CYSLTR2: variants seen among roughly 807,000 people sequenced by gnomAD.
The protein encoded by CYSLTR2 is G-protein coupled receptor GPCR21.
For synonymous variants in CYSLTR2, 179 were observed against 160.8 expected (o/e 1.11, Z -0.86); for missense variants, 398 against 411.9 (o/e 0.97, Z 0.29).
chr13:48,682,696 T>C (rs1284961943), intron 1 of CYSLTR2, among the ~76,000 whole-genome samples: 5 of 152,202 alleles, frequency 3.3e-5, no homozygotes, highest in Non-Finnish European at 5.9e-5. Flanking sequence ...CATAGGGAAC[T>C]ACACCCACAG....
chr13:48,672,479 T>C (rs1163658515), intron 1 of CYSLTR2, among the ~76,000 whole-genome samples: 1 of 152,200 alleles, frequency 6.6e-6, no homozygotes, highest in Non-Finnish European at 1.5e-5. Context: ...ATACATTGTG[T>C]CTTTGTTCTC....
In CYSLTR2 at chr13:48,707,272, T is replaced by A. The variant is rs781662567; in HGVS notation, c.455T>A (p.Ile152Asn). 6.2e-7 allele frequency: 1 copy of A among 1,614,048 alleles called. No homozygotes were observed. Among genetic ancestry groups the A allele is most frequent in the Non-Finnish European group, 8.5e-7 (1 of 1,180,018 alleles). ...TTTCGGCTTCTGCATGTCACCAGCA[T>A]CAGGAGTGCCTGGATCCTCTGTGGG... Reference protein sequence around the residue: ...HPFRLLHVTSIRSAWILCGII... With the variant: ...HPFRLLHVTSNRSAWILCGII... The change falls in exon 5 of 5, where the codon ATC becomes AAC. Residue 152 changes from isoleucine to asparagine, a missense_variant. Physicochemically the swap from Ile to Asn is moderately radical, Grantham distance 149. Coordinates refer to ENST00000682523, the MANE Select transcript of CYSLTR2 (RefSeq NM_001308476.3).
Position 48,707,969 on chromosome 13 carries a change from ATTT to A in CYSLTR2, c.*112_*114del. On this transcript the variant is annotated 3_prime_UTR_variant, in exon 5 of 5. Coordinates refer to ENST00000682523, the MANE Select transcript of CYSLTR2 (RefSeq NM_001308476.3). ...CTCCCAACAAATGTTGATTCTTAAT[ATTT>A]AGTTGACCATTACTTTTGTTAATAA... 1.1e-6 allele frequency: 1 copy of A among 926,140 alleles called. No individual in the cohort carries two copies. Among genetic ancestry groups the A allele is most frequent in the Non-Finnish European group, 1.5e-6 (1 of 657,012 alleles). 57.4% of individuals were successfully genotyped at this position (926,140 alleles called of 1,614,324 possible).
rs1446125869 is a variant in CYSLTR2 at position 48,706,825 on chromosome 13, G to C, written c.8G>C (p.Arg3Thr). ME[R>T]KFMSLQPSIS... The stretch of plus-strand genomic sequence containing the variant: ...GTTTCTTTTTAACCCAGCATGGAGA[G>C]AAAATTTATGTCCTTGCAACCATCC... The change falls in exon 5 of 5, where the codon AGA becomes ACA. Residue 3 changes from arginine to threonine, a missense_variant. Arg to Thr is a moderately conservative substitution (Grantham distance 71). Coordinates refer to ENST00000682523, the MANE Select transcript of CYSLTR2 (RefSeq NM_001308476.3). 2 of 1,607,256 alleles carry C rather than the reference G, an allele frequency of 1.2e-6. No homozygotes were observed. Among genetic ancestry groups the C allele is most frequent in the South Asian group, 2.2e-5 (2 of 90,430 alleles).
intron 1 of CYSLTR2, among the ~76,000 whole-genome samples, chr13:48,689,473 G>C (rs1312285157): frequency 6.6e-6 from 1 of 152,082 alleles, no homozygotes; most frequent in African/African-American, 2.4e-5. Context: ...TCTGTATATG[G>C]CTAGCCAGTT....
chr13:48,692,592 A>C (rs1954065924), intron 2 of CYSLTR2, among the ~76,000 whole-genome samples: 1 of 151,356 alleles, frequency 6.6e-6, no homozygotes, highest in Non-Finnish European at 1.5e-5. Flanking sequence ...CCTCTGAATA[A>C]ATGGTTTCAA....
chr13:48,706,093 T>C (rs1329712131), intron 4 of CYSLTR2, among the ~76,000 whole-genome samples: 1 of 151,184 alleles, frequency 6.6e-6, no homozygotes, highest in Non-Finnish European at 1.5e-5. Context: ...GCCTCCCAGG[T>C]TCAGGCAATT....
At chr13:48,700,608 A>T (rs1954314873) in intron 4 of CYSLTR2, among the ~76,000 whole-genome samples, 1 of 152,246 alleles carries the variant, frequency 6.6e-6, no homozygotes, top group Admixed American at 6.5e-5. Context: ...AACTGGCACA[A>T]GACAGGGATG....
chr13:48,658,797 G>T (rs1276044310), intron 1 of CYSLTR2, among the ~76,000 whole-genome samples: 1 of 152,108 alleles, frequency 6.6e-6, no homozygotes, highest in East Asian at 1.9e-4. Context: ...TTTACTGAGG[G>T]GATGGTGGGG....
At chr13:48,702,249 G>A (rs542276319) in intron 4 of CYSLTR2, among the ~76,000 whole-genome samples, 5 of 130,374 alleles carry the variant, frequency 3.8e-5, no homozygotes, top group African/African-American at 1.1e-4. Flanking sequence ...ATCACACACC[G>A]GCGTCTGTCA....
Position 48,693,072 on chromosome 13 carries a change from G to A in CYSLTR2, c.-175-366G>A, listed in dbSNP as rs150715027. ...TAAGAATTTTATAAAAATTATAAAGGCATTTATTATTATCATTCACTTTAG... is the reference window on the plus strand; with the variant it reads ...TAAGAATTTTATAAAAATTATAAAGACATTTATTATTATCATTCACTTTAG... On this transcript the variant is annotated intron_variant, in intron 2 of 4. Coordinates refer to ENST00000682523, the MANE Select transcript of CYSLTR2 (RefSeq NM_001308476.3). Among the ~76,000 whole-genome samples the A allele has an allele frequency of 2.9e-3, 432 of 151,352 alleles. 1 individual carries two copies. The highest frequency in any genetic ancestry group is 4.5e-3 in the Non-Finnish European group (306 of 67,694).
At chr13:48,696,279 T>A (rs1321680891) in intron 3 of CYSLTR2, among the ~76,000 whole-genome samples, 1 of 152,236 alleles carries the variant, frequency 6.6e-6, no homozygotes, top group Non-Finnish European at 1.5e-5. Flanking sequence ...ATTCAAGAGT[T>A]CTTTATATAT....
chr13:48,708,043 C>T lies in CYSLTR2; in HGVS notation c.*185C>T, dbSNP rs1178396358. On this transcript the variant is annotated 3_prime_UTR_variant, in exon 5 of 5. Transcript: ENST00000682523. ...TTCAGTGTATTTTCAGTTGTTGAGT[C>T]TTAATGAGGGATACAGGAGGAAAAA... 2.0e-6 allele frequency: 1 copy of T among 498,812 alleles called. No individual in the cohort carries two copies. Among genetic ancestry groups the T allele is most frequent in the Non-Finnish European group, 3.5e-6 (1 of 287,556 alleles). 30.9% of individuals were successfully genotyped at this position (498,812 alleles called of 1,614,324 possible). A position where few individuals can be genotyped will look rare whatever the true frequency, so the allele number is the denominator to read the frequency against.
In CYSLTR2 at chr13:48,672,914, C is replaced by T. The variant is rs1327923185; in HGVS notation, c.-265-18298C>T. 4.6e-5 allele frequency among the ~76,000 whole-genome samples: 7 copies of T among 152,166 alleles called. No individual in the cohort carries two copies. In the East Asian group the frequency reaches 1.2e-3, roughly 25 times the overall value. ...TACAGGCATGAGCCACTGCACCTGG[C>T]CTGGAGTGAGTTTCTCAATCCTGAG... On this transcript the variant is annotated intron_variant, in intron 1 of 4. Coordinates refer to ENST00000682523, the MANE Select transcript of CYSLTR2 (RefSeq NM_001308476.3).
At chr13:48,691,954 A>T (rs960658350) in intron 2 of CYSLTR2, among the ~76,000 whole-genome samples, 1 of 152,060 alleles carries the variant, frequency 6.6e-6, no homozygotes, top group South Asian at 2.1e-4. Flanking sequence ...GATATTGGAA[A>T]ATCTAATTAT....
At chr13:48,692,564 T>C (rs550211084) in intron 2 of CYSLTR2, among the ~76,000 whole-genome samples, 1 of 151,428 alleles carries the variant, frequency 6.6e-6, no homozygotes, top group Non-Finnish European at 1.5e-5. Flanking sequence ...ATAATATGTA[T>C]GTCAAAATAA....
At chr13:48,677,720 T>C (rs1008524298) in intron 1 of CYSLTR2, among the ~76,000 whole-genome samples, 1 of 152,192 alleles carries the variant, frequency 6.6e-6, no homozygotes, top group Admixed American at 6.5e-5. Context: ...CCTTTTGCAG[T>C]AGCTGCAGAA....
chr13:48,684,972 G>A (rs1360750769), intron 1 of CYSLTR2, among the ~76,000 whole-genome samples: 1 of 152,226 alleles, frequency 6.6e-6, no homozygotes, highest in Non-Finnish European at 1.5e-5. Flanking sequence ...CCTGAAGCTA[G>A]AAGAGACAAG....
chr13:48,661,650 T>C (rs1953132100), intron 1 of CYSLTR2, among the ~76,000 whole-genome samples: 1 of 152,198 alleles, frequency 6.6e-6, no homozygotes, highest in Non-Finnish European at 1.5e-5. Flanking sequence ...TCACAGCCAG[T>C]AAGTGGCAGA....
Sources: gnomAD v4.1 joint callset for allele counts (sites outside exome capture counted in the v4.1 genomes callset) on GRCh38, gnomAD v4.1.1 for gene constraint, MANE v1.5 for transcripts, NCBI Gene and HGNC (gene_info 2026-07-23, HGNC 2026-07-21) for gene names.